Variants in ANO5 observed in about 807,000 individuals in gnomAD.
ANO5 encodes the protein anoctamin-5.
In ANO5, 109 loss-of-function variants were observed where a neutral mutation model predicts 121.0. The ratio of observed to expected loss-of-function variants is 0.90; its 90% confidence interval spans 0.77 to 1.06. The LOEUF is 1.06. Ranked by LOEUF, ANO5 falls within the 50% of genes least tolerant of loss-of-function variation. The pLI is 0.00. For synonymous variants in ANO5, 406 were observed against 359.9 expected (o/e 1.13, Z -1.45); for missense variants, 1,064 against 1,078.5 (o/e 0.99, Z 0.19).
At position 22,281,346 on chromosome 11, in the gene ANO5, C is replaced by T. The variant is rs545077530; in HGVS notation, c.*1581C>T. ...ACTGATCAATAGTAAGCATACAGAA[C>T]TGGGGATTATGGATTTTATAAACTA... On this transcript the variant is annotated 3_prime_UTR_variant, in exon 22 of 22. Coordinates refer to ENST00000324559, the MANE Select transcript of ANO5 (RefSeq NM_213599.3). 6.6e-6 allele frequency: 1 copy of T among 152,130 alleles called. No homozygotes were observed. Among genetic ancestry groups the T allele is most frequent in the East Asian group, 1.9e-4 (1 of 5,190 alleles). The allele number at this position is 152,130 out of a possible 1,614,324, so 9.4% of individuals were successfully genotyped here. A position where few individuals can be genotyped will look rare whatever the true frequency, so the allele number is the denominator to read the frequency against.
chr11:22,227,615 C>T (rs1852887915), intron 7 of ANO5, 29 bp downstream of exon 7: 2 of 1,607,248 alleles, frequency 1.2e-6, no homozygotes, highest in African/African-American at 1.3e-5. Context: ...TGGGCACATC[C>T]CTTCAAATAC....
intron 4 of ANO5, among the ~76,000 whole-genome samples, chr11:22,219,094 A>C (rs1018170798): frequency 1.4e-4 from 21 of 152,076 alleles, no homozygotes; most frequent in African/African-American, 4.8e-4. Flanking sequence ...TTCTGCCTCA[A>C]CCTTAACTGA....
In ANO5 at chr11:22,279,747, G is replaced by A. The variant is rs1210038565; in HGVS notation, c.2724G>A (p.Leu908=). ...TGATTGAGGAAAACAAAGCACAGCT[G>A]GCTAAATCAACACTCTAATCAGTAT... ...HVMIEENKAQ[L]AKSTL Residue 908 remains leucine, a synonymous_variant, in exon 22 of 22, where the codon CTG becomes CTA. Transcript: ENST00000324559. 1.2e-6 allele frequency: 2 copies of A among 1,612,142 alleles called. No homozygotes were observed. Among genetic ancestry groups the A allele is most frequent in the South Asian group, 2.2e-5 (2 of 91,012 alleles).
chr11:22,221,347 C>A (rs1852645321), intron 5 of ANO5, 137 bp downstream of exon 5: 2 of 744,842 alleles, frequency 2.7e-6, no homozygotes, highest in South Asian at 3.2e-5. Flanking sequence ...AATGAGATAA[C>A]TGTAAAGTAG....
chr11:22,222,370 G>A (rs1448010245), intron 5 of ANO5, among the ~76,000 whole-genome samples: 1 of 151,628 alleles, frequency 6.6e-6, no homozygotes, highest in East Asian at 1.9e-4. Context: ...TGACACTCTG[G>A]CCTCTCTGTT....
chr11:22,215,972 C>G (rs911166128), intron 3 of ANO5, among the ~76,000 whole-genome samples: 2 of 151,762 alleles, frequency 1.3e-5, no homozygotes, highest in Non-Finnish European at 2.9e-5. Context: ...CCAAATATTA[C>G]TAATAAATTC....
intron 1 of ANO5, among the ~76,000 whole-genome samples, chr11:22,200,120 C>T (rs1590211201): frequency 6.6e-6 from 1 of 152,112 alleles, no homozygotes; most frequent in South Asian, 2.1e-4. Flanking sequence ...ATGCTAACAT[C>T]ATCACTGATC....
chr11:22,226,587 G>A (rs1008743984), intron 6 of ANO5, among the ~76,000 whole-genome samples: 1 of 152,068 alleles, frequency 6.6e-6, no homozygotes, highest in African/African-American at 2.4e-5. Flanking sequence ...TAAAAAATTA[G>A]TTGGGCATGG....
At chr11:22,194,912 C>T (rs1011076833) in intron 1 of ANO5, among the ~76,000 whole-genome samples, 1 of 152,152 alleles carries the variant, frequency 6.6e-6, no homozygotes, top group African/African-American at 2.4e-5. Context: ...TATCAGTTTT[C>T]ATATGAACAT....
chr11:22,200,089 A>G (rs1407220741), intron 1 of ANO5, among the ~76,000 whole-genome samples: 1 of 152,140 alleles, frequency 6.6e-6, no homozygotes, highest in Non-Finnish European at 1.5e-5. Context: ...GACATATTTC[A>G]TTTTAAAATA....
chr11:22,223,919 T>C (rs1852740873), intron 5 of ANO5, among the ~76,000 whole-genome samples: 1 of 151,834 alleles, frequency 6.6e-6, no homozygotes, highest in Non-Finnish European at 1.5e-5. Context: ...ACCTATTCCT[T>C]TCAAGCCTTT....
intron 1 of ANO5, among the ~76,000 whole-genome samples, chr11:22,201,494 AT>A (rs1402652739): frequency 6.6e-6 from 1 of 152,118 alleles, no homozygotes; most frequent in Non-Finnish European, 1.5e-5. Context: ...GATGTGAAGA[AT>A]TACCCAGGGC....
rs185372008 is a variant in ANO5 at position 22,229,475 on chromosome 11, A to G, written c.648+1889A>G. ...GTCAGGATTTATGGGAATAAAGAGC[A>G]AATGACATGGAATCAGAAGACCTTA... is the stretch of plus-strand genomic sequence containing the variant. On this transcript the variant is annotated intron_variant, in intron 7 of 21. Coordinates refer to ENST00000324559, the MANE Select transcript of ANO5 (RefSeq NM_213599.3). Among the ~76,000 whole-genome samples the G allele has an allele frequency of 2.2e-4, 34 of 152,098 alleles. No homozygotes were observed. In the East Asian group the frequency reaches 5.6e-3, roughly 25 times the overall value.
At chr11:22,199,050 A>C (rs1851890003) in intron 1 of ANO5, among the ~76,000 whole-genome samples, 1 of 152,188 alleles carries the variant, frequency 6.6e-6, no homozygotes, top group Non-Finnish European at 1.5e-5. Context: ...GCCTGCACTC[A>C]GAAAGTTAAG....
At chr11:22,194,039 G>A (rs574827420) in intron 1 of ANO5, among the ~76,000 whole-genome samples, 2 of 152,304 alleles carry the variant, frequency 1.3e-5, no homozygotes, top group South Asian at 2.1e-4. Context: ...AATTGTAGGA[G>A]TAGCAGATCC....
At position 22,263,701 on chromosome 11, in the gene ANO5, G is replaced by A. The variant is rs568651311; in HGVS notation, c.1898+658G>A. Among the ~76,000 whole-genome samples the A allele has an allele frequency of 7.2e-5, 11 of 152,286 alleles. 1 individual carries two copies. The highest frequency in any genetic ancestry group is 2.6e-4 in the African/African-American group (11 of 41,556). ...AGTCTACGATCCTTCAGGGCTCCTA[G>A]TTAGGAAATGACTGTGTCAGGGTTT... On this transcript the variant is annotated intron_variant, in intron 17 of 21. Coordinates refer to ENST00000324559, the MANE Select transcript of ANO5 (RefSeq NM_213599.3).
chr11:22,272,922 AAGCTCAT>A lies in ANO5; in HGVS notation c.2172_2178del (p.His725Ter), dbSNP rs794727231. The A allele has an allele frequency of 3.1e-6, 5 of 1,613,952 alleles. No individual in the cohort carries two copies. Among genetic ancestry groups the A allele is most frequent in the Non-Finnish European group, 4.2e-6 (5 of 1,180,010 alleles). ...CAATACAGGAGAACTGTAGCTTCTAAAGCTCATAGCATAGGTGTTTGGCAAGACATTC... is the reference window on the plus strand; with the variant it reads ...CAATACAGGAGAACTGTAGCTTCTAAAGCATAGGTGTTTGGCAAGACATTC... On this transcript the variant is annotated frameshift_variant, in exon 19 of 22. Coordinates refer to ENST00000324559, the MANE Select transcript of ANO5 (RefSeq NM_213599.3). LOFTEE classifies it high-confidence loss of function.
rs776702097 is a variant in ANO5, at chr11:22,203,824, A to G, written c.61A>G (p.Ile21Val). Residue 21 changes from isoleucine (I) to valine (V), a missense_variant, in exon 2 of 22, where the codon ATA (isoleucine) becomes GTA (valine). Transcript: ENST00000324559. The part of the protein sequence containing the change: ...AEEGEKVNKH[I>V]DYSFQMSEQS... ...TTTAGGGGAAAAAGTCAATAAGCAT[A>G]TAGACTACTCTTTCCAAATGAGTGA... is the stretch of plus-strand genomic sequence containing the variant. 6.8e-7 allele frequency: 1 copy of G among 1,475,864 alleles called. No homozygotes were observed. The highest frequency in any genetic ancestry group is 1.1e-5 in the South Asian group (1 of 87,712). 91.4% of individuals were successfully genotyped at this position (1,475,864 alleles called of 1,614,324 possible). A position where few individuals can be genotyped will look rare whatever the true frequency, so the allele number is the denominator to read the frequency against.
intron 14 of ANO5, 26 bp downstream of exon 14, chr11:22,257,780 T>C: frequency 6.4e-7 from 1 of 1,572,466 alleles, no homozygotes; most frequent in East Asian, 2.2e-5. Flanking sequence ...AAAATTGCTA[T>C]AATTTCTTCA....
Sources: allele counts gnomAD v4.1 joint callset (sites outside exome capture counted in the v4.1 genomes callset), GRCh38; gene constraint gnomAD v4.1.1; transcripts MANE v1.5; gene names NCBI Gene and HGNC (gene_info 2026-07-23, HGNC 2026-07-21).